Variants in DIAPH3 observed in about 807,000 individuals in gnomAD.
DIAPH3 encodes protein diaphanous homolog 3.
In DIAPH3, 117 loss-of-function variants were observed where a neutral mutation model predicts 144.3. That is an observed-to-expected ratio of 0.81 (90% CI 0.70 to 0.95). DIAPH3 has a LOEUF of 0.95. Among genes scored for constraint, DIAPH3 ranks in the 40% least tolerant of loss-of-function variants. DIAPH3 has a pLI of 0.00. For missense variants in DIAPH3, 1,421 were observed against 1,412.7 expected (o/e 1.01, Z -0.09); for synonymous variants, 519 against 488.9 (o/e 1.06, Z -0.81).
intron 20 of DIAPH3, among the ~76,000 whole-genome samples, chr13:59,909,187 A>G (rs1205769262): frequency 6.6e-6 from 1 of 152,200 alleles, no homozygotes; most frequent in Non-Finnish European, 1.5e-5. Flanking sequence ...ATTATAACCA[A>G]TTTCTTAAAA....
At chr13:60,121,329 C>G (rs974218924) in intron 2 of DIAPH3, among the ~76,000 whole-genome samples, 1 of 151,976 alleles carries the variant, frequency 6.6e-6, no homozygotes, top group Admixed American at 6.5e-5. Flanking sequence ...AAGGACACCA[C>G]GAATTCCACC....
intron 1 of DIAPH3, among the ~76,000 whole-genome samples, chr13:60,158,799 G>T (rs1419432139): frequency 6.6e-6 from 1 of 151,586 alleles, no homozygotes; most frequent in African/African-American, 2.4e-5. Context: ...TCTCTCAGGG[G>T]CTGGAAGAGC....
chr13:59,741,703 C>CAAAAAAAAAAA (rs756556231), intron 27 of DIAPH3, among the ~76,000 whole-genome samples: 25 of 93,680 alleles, frequency 2.7e-4, no homozygotes, highest in South Asian at 6.4e-4. Context: ...GGCAACAAAG[C>CAAAAAAAAAAA]AAAAAAAAAA....
Position 59,781,403 on chromosome 13 carries a change from G to A in DIAPH3, c.3164-6580C>T, listed in dbSNP as rs141233553. ...ATCTTAGAAAGAGACTGCAAGATGT[G>A]CTTTTGCAAAACCAAAACAAGAGGG... On this transcript the variant is annotated intron_variant, in intron 25 of 27. Transcript: ENST00000400324. Among the ~76,000 whole-genome samples the A allele has an allele frequency of 2.8e-3, 433 of 152,308 alleles. 3 individuals are homozygous for A. Among genetic ancestry groups the A allele is most frequent in the African/African-American group, 0.01 (419 of 41,574 alleles).
chr13:59,972,636 G>GT (rs1227103089), intron 15 of DIAPH3, among the ~76,000 whole-genome samples: 1 of 152,180 alleles, frequency 6.6e-6, no homozygotes, highest in Non-Finnish European at 1.5e-5. Flanking sequence ...CCAGTTCAGT[G>GT]TTACTCTGGG....
intron 25 of DIAPH3, among the ~76,000 whole-genome samples, chr13:59,795,455 C>T (rs1183530413): frequency 4.4e-5 from 6 of 136,868 alleles, no homozygotes; most frequent in Admixed American, 7.6e-5. Flanking sequence ...TTCTCTCTCT[C>T]TTTTTTTTTT....
chr13:59,959,522 AGAACCTTTTG>A (rs1360314118), intron 17 of DIAPH3, among the ~76,000 whole-genome samples: 1 of 152,210 alleles, frequency 6.6e-6, no homozygotes, highest in Admixed American at 6.5e-5. Flanking sequence ...AGTCTTTAAA[AGAACCTTTTG>A]TAACTTAGGT....
intron 17 of DIAPH3, among the ~76,000 whole-genome samples, chr13:59,965,346 T>A (rs899661342): frequency 2.6e-5 from 4 of 152,166 alleles, no homozygotes; most frequent in African/African-American, 9.7e-5. Flanking sequence ...ATTTTCATAA[T>A]AAATTAGTCT....
At chr13:59,778,397 C>T (rs565563441) in intron 25 of DIAPH3, among the ~76,000 whole-genome samples, 1 of 152,324 alleles carries the variant, frequency 6.6e-6, no homozygotes, top group South Asian at 2.1e-4. Flanking sequence ...CAAAATGCGA[C>T]TATTATATAG....
chr13:59,873,516 G>A (rs1196939433), intron 21 of DIAPH3, among the ~76,000 whole-genome samples: 1 of 152,090 alleles, frequency 6.6e-6, no homozygotes, highest in Non-Finnish European at 1.5e-5. Context: ...GTACAAGCTA[G>A]AGACTTGTAA....
chr13:59,871,679 A>C (rs1027548815), intron 21 of DIAPH3, among the ~76,000 whole-genome samples: 3 of 152,194 alleles, frequency 2.0e-5, no homozygotes, highest in Non-Finnish European at 4.4e-5. Context: ...TAGAGAATTG[A>C]AATTATTTCT....
At position 59,917,522 on chromosome 13, in the gene DIAPH3, T is replaced by C. The variant is rs189366131; in HGVS notation, c.2171-1273A>G. On this transcript the variant is annotated intron_variant, in intron 18 of 27. Coordinates refer to ENST00000400324, the MANE Select transcript of DIAPH3 (RefSeq NM_001042517.2). Reference sequence around the variant, plus strand: ...CAAGAAGTCTTAAATATGAAATCATTACAATAAAACTCACAGATGTCTATA... The same window carrying C: ...CAAGAAGTCTTAAATATGAAATCATCACAATAAAACTCACAGATGTCTATA... 1.7e-4 allele frequency among the ~76,000 whole-genome samples: 26 copies of C among 152,200 alleles called. 1 individual carries two copies. In the East Asian group the frequency reaches 4.4e-3, roughly 26 times the overall value.
chr13:59,899,603 AG>A (rs960141407), intron 20 of DIAPH3, among the ~76,000 whole-genome samples: 1 of 152,216 alleles, frequency 6.6e-6, no homozygotes, highest in Non-Finnish European at 1.5e-5. Context: ...CAAATTATGT[AG>A]AGCCTTGTAG....
intron 2 of DIAPH3, among the ~76,000 whole-genome samples, chr13:60,131,655 G>C (rs2059146141): frequency 6.6e-6 from 1 of 151,814 alleles, no homozygotes; most frequent in East Asian, 1.9e-4. Context: ...AAACAGAGAG[G>C]GATTATTTAT....
chr13:59,730,653 T>C (rs185306496), intron 27 of DIAPH3, among the ~76,000 whole-genome samples: 32 of 152,332 alleles, frequency 2.1e-4, no homozygotes, highest in African/African-American at 7.5e-4. Flanking sequence ...GTTGAGAATG[T>C]GAGTTCTGGA....
At chr13:60,004,921 A>C (rs1313404385) in intron 9 of DIAPH3, among the ~76,000 whole-genome samples, 1 of 152,244 alleles carries the variant, frequency 6.6e-6, no homozygotes, top group African/African-American at 2.4e-5. Flanking sequence ...AAAATTAAAA[A>C]TTAAAAAGAA....
chr13:60,046,152 T>C (rs1336041735), intron 4 of DIAPH3, among the ~76,000 whole-genome samples: 2 of 152,182 alleles, frequency 1.3e-5, no homozygotes, highest in Non-Finnish European at 2.9e-5. Flanking sequence ...TGCCATTCCA[T>C]GAAATGAGAG....
intron 1 of DIAPH3, among the ~76,000 whole-genome samples, chr13:60,139,889 C>T (rs112549836): frequency 6.6e-6 from 1 of 152,144 alleles, no homozygotes; most frequent in Non-Finnish European, 1.5e-5. Context: ...ACCTATACTA[C>T]CAGATGAAAA....
At chr13:60,067,604 T>C (rs567181213) in intron 4 of DIAPH3, among the ~76,000 whole-genome samples, 2 of 152,184 alleles carry the variant, frequency 1.3e-5, no homozygotes, top group Non-Finnish European at 2.9e-5. Context: ...GGAGATTTAT[T>C]TTAATGTTTC....
Sources: allele counts gnomAD v4.1 joint callset (sites outside exome capture counted in the v4.1 genomes callset), GRCh38; gene constraint gnomAD v4.1.1; transcripts MANE v1.5; gene names NCBI Gene and HGNC (gene_info 2026-07-23, HGNC 2026-07-21).